The following SPOCK1 variants were observed in gnomAD, a reference collection of about 807,000 sequenced individuals.
SPOCK1 encodes the protein testican-1.
Under a neutral mutation model 55.3 loss-of-function variants are expected in SPOCK1, and 23 were observed. The observed-to-expected ratio is 0.42, with a 90% CI of 0.30 to 0.59. SPOCK1 has a LOEUF of 0.59. SPOCK1 is among the 20% of genes least tolerant of loss of function. The pLI, the probability that SPOCK1 is intolerant of heterozygous loss-of-function variation, is 0.22. For synonymous variants in SPOCK1, 226 were observed against 221.0 expected (o/e 1.02, Z -0.20); for missense variants, 499 against 552.5 (o/e 0.90, Z 0.97).
chr5:137,326,509 T>G (rs182338486), intron 2 of SPOCK1, among the ~76,000 whole-genome samples: 18 of 152,348 alleles, frequency 1.2e-4, no homozygotes, highest in African/African-American at 3.4e-4. Flanking sequence ...GGTAATTTCT[T>G]GCATATGCAT....
At chr5:136,989,979 C>T (rs1421998837) in intron 7 of SPOCK1, among the ~76,000 whole-genome samples, 2 of 152,014 alleles carry the variant, frequency 1.3e-5, no homozygotes, top group African/African-American at 2.4e-5. Context: ...GGCACCATCT[C>T]GGCTCACTGC....
chr5:137,243,147 AGTGCCTT>A (rs1406578593), intron 3 of SPOCK1, among the ~76,000 whole-genome samples: 8 of 152,202 alleles, frequency 5.3e-5, no homozygotes, highest in African/African-American at 1.9e-4. Flanking sequence ...TGTCCTGGGA[AGTGCCTT>A]GTCCCACCTA....
intron 2 of SPOCK1, among the ~76,000 whole-genome samples, chr5:137,310,114 C>G (rs1757763968): frequency 6.6e-6 from 1 of 152,170 alleles, no homozygotes; most frequent in Non-Finnish European, 1.5e-5. Flanking sequence ...AGCTGTGTGT[C>G]TCAGCCAAGT....
chr5:137,301,474 A>G (rs1580854802), intron 2 of SPOCK1, among the ~76,000 whole-genome samples: 1 of 152,134 alleles, frequency 6.6e-6, no homozygotes, highest in African/African-American at 2.4e-5. Flanking sequence ...ACAGCTCCAT[A>G]TAAACCTTCC....
chr5:137,123,971 A>G (rs1753732980), intron 4 of SPOCK1, among the ~76,000 whole-genome samples: 1 of 152,134 alleles, frequency 6.6e-6, no homozygotes, highest in Non-Finnish European at 1.5e-5. Context: ...AAGGAGCACA[A>G]CTTCATCACC....
At chr5:137,036,427 C>A (rs1305392130) in intron 6 of SPOCK1, among the ~76,000 whole-genome samples, 1 of 152,058 alleles carries the variant, frequency 6.6e-6, no homozygotes, top group Admixed American at 6.5e-5. Context: ...GTGTCCTCCT[C>A]CCTAAGCTCT....
chr5:137,226,894 A>G (rs1051452947), intron 3 of SPOCK1, among the ~76,000 whole-genome samples: 39 of 152,216 alleles, frequency 2.6e-4, no homozygotes, highest in African/African-American at 8.9e-4. Context: ...TGAGGCCAAG[A>G]TCCATATCTA....
intron 2 of SPOCK1, among the ~76,000 whole-genome samples, chr5:137,277,838 C>T (rs1757097199): frequency 6.6e-6 from 1 of 152,116 alleles, no homozygotes; most frequent in African/African-American, 2.4e-5. Flanking sequence ...AGAATCATGG[C>T]CTTTGGCCCC....
chr5:137,368,041 C>G (rs546456352), intron 2 of SPOCK1, among the ~76,000 whole-genome samples: 71 of 152,368 alleles, frequency 4.7e-4, no homozygotes, highest in African/African-American at 1.4e-3. Context: ...ACATGACCCT[C>G]TCTTCAAAGC....
chr5:137,419,766 C>T (rs1752442255), intron 2 of SPOCK1, among the ~76,000 whole-genome samples: 1 of 152,206 alleles, frequency 6.6e-6, no homozygotes, highest in African/African-American at 2.4e-5. Flanking sequence ...ATTTGACTTC[C>T]TCTTTTCCTA....
intron 3 of SPOCK1, among the ~76,000 whole-genome samples, chr5:137,231,062 A>G (rs1417910651): frequency 7.0e-6 from 1 of 142,614 alleles, no homozygotes; most frequent in Non-Finnish European, 1.5e-5. Context: ...TTTTTTTTTG[A>G]GATGGAGTTT....
intron 3 of SPOCK1, among the ~76,000 whole-genome samples, chr5:137,145,162 C>T (rs1754168797): frequency 6.6e-6 from 1 of 152,114 alleles, no homozygotes; most frequent in African/African-American, 2.4e-5. Context: ...TTACAGAAAC[C>T]TTTCTCAAGG....
chr5:137,281,673 G>A (rs577392749), intron 2 of SPOCK1, among the ~76,000 whole-genome samples: 4 of 152,294 alleles, frequency 2.6e-5, no homozygotes, highest in South Asian at 2.1e-4. Flanking sequence ...ATTGTGGCTC[G>A]ATTTGTTCAA....
At chr5:137,103,732 T>C (rs1341613599) in intron 5 of SPOCK1, among the ~76,000 whole-genome samples, 1 of 152,242 alleles carries the variant, frequency 6.6e-6, no homozygotes, top group Admixed American at 6.5e-5. Flanking sequence ...ATATTTTAAA[T>C]ATTATTCTGA....
chr5:137,450,246 A>C (rs1208547479), intron 2 of SPOCK1, among the ~76,000 whole-genome samples: 4 of 152,162 alleles, frequency 2.6e-5, no homozygotes, highest in Non-Finnish European at 5.9e-5. Flanking sequence ...GTGTCTCCAC[A>C]CCTGTTCTAG....
intron 2 of SPOCK1, among the ~76,000 whole-genome samples, chr5:137,426,796 T>C (rs979435876): frequency 4.6e-5 from 7 of 152,098 alleles, no homozygotes; most frequent in African/African-American, 1.7e-4. Context: ...GGCACCCCCA[T>C]TGCTCAGTCC....
intron 2 of SPOCK1, among the ~76,000 whole-genome samples, chr5:137,359,756 GAAGA>G (rs946141626): frequency 6.6e-6 from 1 of 152,212 alleles, no homozygotes; most frequent in African/African-American, 2.4e-5. Context: ...AAAAAGTCAA[GAAGA>G]AATACATAGG....
intron 2 of SPOCK1, among the ~76,000 whole-genome samples, chr5:137,282,311 C>T (rs6898781): frequency 0.054 from 8,264 of 152,286 alleles, 363 homozygotes; most frequent in African/African-American, 0.11. Context: ...ATTGGAAAAG[C>T]GGCAGCCGCT....
intron 2 of SPOCK1, among the ~76,000 whole-genome samples, chr5:137,326,957 C>A (rs1758091699): frequency 6.6e-6 from 1 of 152,104 alleles, no homozygotes; most frequent in African/African-American, 2.4e-5. Context: ...CTGACATCAT[C>A]CAAAAGAGCC....
Sources: allele counts gnomAD v4.1 joint callset (sites outside exome capture counted in the v4.1 genomes callset), GRCh38; gene constraint gnomAD v4.1.1; transcripts MANE v1.5; gene names NCBI Gene and HGNC (gene_info 2026-07-23, HGNC 2026-07-21).